ERICH6B: variants seen among roughly 807,000 people sequenced by gnomAD.
ERICH6B encodes glutamate-rich protein 6B.
ERICH6B carries 69 observed loss-of-function variants against 80.0 expected under a neutral mutation model. The observed-to-expected ratio is 0.86, with a 90% CI of 0.71 to 1.05. The LOEUF is 1.05. ERICH6B is among the 50% of genes least tolerant of loss of function. The pLI is 0.00. For synonymous variants in ERICH6B, 283 were observed against 291.9 expected (o/e 0.97, Z 0.31); for missense variants, 754 against 796.1 (o/e 0.95, Z 0.64).
rs547072403 is a variant in ERICH6B at position 45,585,523 on chromosome 13, C to A, written c.856+1540G>T. 1.1e-4 allele frequency among the ~76,000 whole-genome samples: 17 copies of A among 152,258 alleles called. No individual in the cohort carries two copies. The South Asian group carries it at 3.3e-3, about 30-fold the overall frequency. ...ACCTCCATGAATTTTTAGGGAATTGCTTGCCTTTCCTTGTGTTTCAATCTT... is the reference window on the plus strand; with the variant it reads ...ACCTCCATGAATTTTTAGGGAATTGATTGCCTTTCCTTGTGTTTCAATCTT... On this transcript the variant is annotated intron_variant, in intron 5 of 14. Coordinates refer to ENST00000298738, the MANE Select transcript of ERICH6B (RefSeq NM_182542.3).
At chr13:45,594,128 A>G (rs1351128793) in intron 3 of ERICH6B, among the ~76,000 whole-genome samples, 1 of 152,218 alleles carries the variant, frequency 6.6e-6, no homozygotes, top group Non-Finnish European at 1.5e-5. Flanking sequence ...ATTCTACATA[A>G]AAACATTGAT....
At position 45,574,905 on chromosome 13, in the gene ERICH6B, G is replaced by A. The variant is rs1219677842; in HGVS notation, c.987C>T (p.Asn329=). The A allele has an allele frequency of 6.4e-7, 1 of 1,551,228 alleles. No individual in the cohort carries two copies. The highest frequency in any genetic ancestry group is 8.7e-7 in the Non-Finnish European group (1 of 1,146,886). Residue 329 remains asparagine (N), a synonymous_variant, in exon 8 of 15, where the codon AAC becomes AAT. Coordinates refer to ENST00000298738, the MANE Select transcript of ERICH6B (RefSeq NM_182542.3). ...ACTCATCTGTTATACCATCCCAAAA[G>A]TTCTCTTTAGAAGCAAACTCCAGGA... ...ENVLEFASKE[N]FWDGITDESI...
chr13:45,587,650 T>C (rs1875970405), intron 4 of ERICH6B, among the ~76,000 whole-genome samples: 1 of 152,202 alleles, frequency 6.6e-6, no homozygotes, highest in Admixed American at 6.5e-5. Flanking sequence ...CAGTGAGGTC[T>C]GTCCCTGCAA....
intron 11 of ERICH6B, among the ~76,000 whole-genome samples, chr13:45,556,731 C>T (rs56401266): frequency 0.26 from 38,889 of 151,832 alleles, 8,035 homozygotes; most frequent in African/African-American, 0.57. Flanking sequence ...ACCATTAATT[C>T]GTTCCTTTTT....
At chr13:45,572,308 C>T (rs1328403718) in intron 8 of ERICH6B, among the ~76,000 whole-genome samples, 1 of 152,142 alleles carries the variant, frequency 6.6e-6, no homozygotes, top group Non-Finnish European at 1.5e-5. Flanking sequence ...TCATCTGTAC[C>T]ACTACATATT....
At chr13:45,543,233 C>G (rs1456223839) in intron 14 of ERICH6B, among the ~76,000 whole-genome samples, 1 of 152,096 alleles carries the variant, frequency 6.6e-6, no homozygotes, top group Non-Finnish European at 1.5e-5. Flanking sequence ...TAACTCTGGT[C>G]CTCAGGAAGG....
chr13:45,580,369 T>G (rs1875605041), intron 6 of ERICH6B, among the ~76,000 whole-genome samples: 1 of 152,218 alleles, frequency 6.6e-6, no homozygotes, highest in Non-Finnish European at 1.5e-5. Flanking sequence ...TCCTCTCCTT[T>G]CAAAATGCCA....
At chr13:45,551,370 C>G (rs1194270555) in intron 11 of ERICH6B, 1 of 151,920 alleles carries the variant, frequency 6.6e-6, no homozygotes, top group Non-Finnish European at 1.5e-5. Context: ...TTTTCTAATT[C>G]CTGGAATTGA....
chr13:45,600,772 T>C (rs1949822683), intron 2 of ERICH6B, among the ~76,000 whole-genome samples: 2 of 152,260 alleles, frequency 1.3e-5, no homozygotes, highest in African/African-American at 4.8e-5. Context: ...GTTGATTCCA[T>C]ATCTTTGCTA....
At chr13:45,571,763 C>T (rs1875179155) in intron 8 of ERICH6B, among the ~76,000 whole-genome samples, 2 of 152,138 alleles carry the variant, frequency 1.3e-5, no homozygotes, top group Admixed American at 1.3e-4. Flanking sequence ...GGCTCTAATC[C>T]AGTATGACTG....
At chr13:45,574,967 T>C (rs1365347885) in intron 7 of ERICH6B, 37 bp from the exon 8 acceptor site, 4 of 1,396,016 alleles carry the variant, frequency 2.9e-6, no homozygotes, top group Non-Finnish European at 3.9e-6. Flanking sequence ...AGGAAGGGCA[T>C]GTGGAAAGAA....
At chr13:45,564,896 C>A (rs559420279) in intron 9 of ERICH6B, among the ~76,000 whole-genome samples, 9 of 152,280 alleles carry the variant, frequency 5.9e-5, no homozygotes, top group African/African-American at 2.2e-4. Flanking sequence ...CTGTTCGTCT[C>A]TTGTTTTTTG....
chr13:45,548,226 A>G (rs1874065080), intron 13 of ERICH6B, among the ~76,000 whole-genome samples: 1 of 152,222 alleles, frequency 6.6e-6, no homozygotes, highest in Non-Finnish European at 1.5e-5. Flanking sequence ...CCTAAGAAGT[A>G]TTCAGCTCTT....
At chr13:45,611,354 A>G (rs1175253541) in intron 1 of ERICH6B, among the ~76,000 whole-genome samples, 1 of 152,238 alleles carries the variant, frequency 6.6e-6, no homozygotes, top group Non-Finnish European at 1.5e-5. Context: ...AATAAGATTA[A>G]TTCTCAAATA....
At chr13:45,575,384 A>G (rs1875355642) in intron 7 of ERICH6B, among the ~76,000 whole-genome samples, 1 of 152,152 alleles carries the variant, frequency 6.6e-6, no homozygotes, top group African/African-American at 2.4e-5. Context: ...CTCACAGTAG[A>G]GCAGACATGA....
chr13:45,579,913 G>A lies in ERICH6B; in HGVS notation c.961+20C>T. 1 of 1,551,440 alleles carries A rather than the reference G, an allele frequency of 6.4e-7. No individual in the cohort carries two copies. The highest frequency in any genetic ancestry group is 1.2e-5 in the South Asian group (1 of 84,022). On this transcript the variant is annotated intron_variant, in intron 7 of 14. Coordinates refer to ENST00000298738, the MANE Select transcript of ERICH6B (RefSeq NM_182542.3). ...CTGAAGAAAGCAGGGATCTTTGGAT[G>A]CATTATGTCAGATGCTCACCATTTT...
chr13:45,588,102 G>A (rs1365918312), intron 4 of ERICH6B, among the ~76,000 whole-genome samples: 1 of 152,210 alleles, frequency 6.6e-6, no homozygotes, highest in Admixed American at 6.5e-5. Flanking sequence ...AGTAAGTTAG[G>A]CCTGTCCCCA....
At chr13:45,594,921 C>T (rs1876301052) in intron 3 of ERICH6B, among the ~76,000 whole-genome samples, 1 of 152,208 alleles carries the variant, frequency 6.6e-6, no homozygotes, top group African/African-American at 2.4e-5. Flanking sequence ...AGAGAAGACA[C>T]TGCAGGGGCA....
intron 8 of ERICH6B, among the ~76,000 whole-genome samples, chr13:45,568,931 C>T (rs151249746): frequency 2.0e-5 from 3 of 152,092 alleles, no homozygotes. Context: ...GTGGAGATGG[C>T]TATGGAATGT....
Sources: allele counts gnomAD v4.1 joint callset (sites outside exome capture counted in the v4.1 genomes callset), GRCh38; gene constraint gnomAD v4.1.1; transcripts MANE v1.5; gene names NCBI Gene and HGNC (gene_info 2026-07-23, HGNC 2026-07-21).